The following LNPK variants were observed in gnomAD, a reference collection of about 807,000 sequenced individuals.
The protein encoded by LNPK is lunapark, ER junction formation factor.
LNPK carries 29 observed loss-of-function variants against 55.2 expected under a neutral mutation model. That is an observed-to-expected ratio of 0.53 (90% CI 0.39 to 0.72). LNPK has a LOEUF of 0.72. Ranked by LOEUF, LNPK falls within the 30% of genes least tolerant of loss-of-function variation. The pLI is 0.00. For missense variants in LNPK, 467 were observed against 494.8 expected, an observed-to-expected ratio of 0.94 and a Z score of 0.53; for synonymous variants, 162 against 168.2, an observed-to-expected ratio of 0.96 and a Z score of 0.29.
rs1041351003 is a variant in LNPK at position 175,927,575 on chromosome 2, G to A, written c.*2392C>T. ...CATATGGCTACAGCACAATGATGGCGGGAAGACGGAGAGACAGAAGCTAGA... is the reference window on the plus strand; with the variant it reads ...CATATGGCTACAGCACAATGATGGCAGGAAGACGGAGAGACAGAAGCTAGA... On this transcript the variant is annotated 3_prime_UTR_variant, in exon 13 of 13. Coordinates refer to ENST00000272748, the MANE Select transcript of LNPK (RefSeq NM_030650.3). The A allele has an allele frequency of 6.6e-6, 1 of 152,156 alleles. No homozygotes were observed. Among genetic ancestry groups the A allele is most frequent in the African/African-American group, 2.4e-5 (1 of 41,428 alleles). The allele number at this position is 152,156 out of a possible 1,614,324, so 9.4% of individuals were successfully genotyped here.
chr2:176,002,251 G>A lies in LNPK; in HGVS notation c.-154C>T, dbSNP rs1194542108. 2 of 450,678 alleles carry A rather than the reference G, an allele frequency of 4.4e-6. No individual in the cohort carries two copies. Among genetic ancestry groups the A allele is most frequent in the East Asian group, 7.2e-5 (1 of 13,830 alleles). 27.9% of individuals were successfully genotyped at this position (450,678 alleles called of 1,614,324 possible). ...CCTGCCTCCAGAGCAGGCAGCAGCC[G>A]CCACTGACAGAGAGACAAGCCGGGC... On this transcript the variant is annotated 5_prime_UTR_variant, in exon 1 of 13. Transcript: ENST00000272748.
intron 1 of LNPK, among the ~76,000 whole-genome samples, chr2:175,998,726 T>C (rs1688053207): frequency 6.6e-6 from 1 of 152,168 alleles, no homozygotes; most frequent in Admixed American, 6.5e-5. Flanking sequence ...CCCAATTCCT[T>C]TATTTGATTA....
chr2:175,948,792 T>C (rs757962358), intron 8 of LNPK, among the ~76,000 whole-genome samples: 2 of 152,182 alleles, frequency 1.3e-5, no homozygotes, highest in Non-Finnish European at 2.9e-5. Flanking sequence ...TTCATTGCAA[T>C]TGAAAGTACA....
At chr2:175,994,335 A>T in intron 2 of LNPK, 4 of 984,344 alleles carry the variant, frequency 4.1e-6, no homozygotes, top group Non-Finnish European at 4.8e-6. Flanking sequence ...GCAGATTATT[A>T]TAAGGTCATA....
chr2:175,994,888 T>C (rs916549491), intron 2 of LNPK, among the ~76,000 whole-genome samples: 2 of 150,778 alleles, frequency 1.3e-5, no homozygotes, highest in African/African-American at 4.9e-5. Context: ...AAAGATACAG[T>C]CTGTAAAAAA....
intron 4 of LNPK, among the ~76,000 whole-genome samples, chr2:175,990,719 ATTC>A (rs1387504932): frequency 1.3e-5 from 2 of 152,180 alleles, no homozygotes; most frequent in Non-Finnish European, 2.9e-5. Flanking sequence ...GGACAATGCT[ATTC>A]TTTGTTGGAT....
At chr2:175,988,079 T>C (rs1380717873) in intron 4 of LNPK, among the ~76,000 whole-genome samples, 2 of 152,226 alleles carry the variant, frequency 1.3e-5, no homozygotes, top group African/African-American at 2.4e-5. Flanking sequence ...CCAACCTTCA[T>C]ATATGCAACA....
At chr2:175,933,044 T>C (rs1362619785) in intron 12 of LNPK, among the ~76,000 whole-genome samples, 1 of 152,142 alleles carries the variant, frequency 6.6e-6, no homozygotes, top group Non-Finnish European at 1.5e-5. Flanking sequence ...GACTCTGGCA[T>C]CTATAATGTC....
At chr2:175,958,690 G>C (rs1408147962) in intron 8 of LNPK, among the ~76,000 whole-genome samples, 2 of 152,104 alleles carry the variant, frequency 1.3e-5, no homozygotes, top group Admixed American at 1.3e-4. Flanking sequence ...CTCCTTGCCA[G>C]AAAAGGAACA....
intron 8 of LNPK, among the ~76,000 whole-genome samples, chr2:175,951,929 C>A (rs916578647): frequency 6.6e-5 from 10 of 151,902 alleles, no homozygotes; most frequent in South Asian, 4.2e-4. Flanking sequence ...TATGGCCATT[C>A]TTGCAGGAGT....
intron 5 of LNPK, among the ~76,000 whole-genome samples, chr2:175,972,200 C>T (rs1038643075): frequency 6.6e-6 from 1 of 152,144 alleles, no homozygotes; most frequent in Non-Finnish European, 1.5e-5. Flanking sequence ...CAGGCATGAG[C>T]CACTGAGCCC....
At chr2:175,968,369 T>C (rs1331769411) in intron 6 of LNPK, among the ~76,000 whole-genome samples, 1 of 152,232 alleles carries the variant, frequency 6.6e-6, no homozygotes, top group Non-Finnish European at 1.5e-5. Flanking sequence ...AGGACTAATA[T>C]TCTGAAAAAG....
At chr2:175,979,569 CAAA>C (rs147389697) in intron 5 of LNPK, among the ~76,000 whole-genome samples, 4 of 97,400 alleles carry the variant, frequency 4.1e-5, no homozygotes, top group Admixed American at 1.1e-4. Flanking sequence ...GACTCTGTCT[CAAA>C]AAAAAAAAAA....
At chr2:175,938,944 T>C (rs1684679928) in intron 10 of LNPK, 1 of 152,216 alleles carries the variant, frequency 6.6e-6, no homozygotes, top group African/African-American at 2.4e-5. Flanking sequence ...ACTCAATGAA[T>C]ACTTCGCTAT....
chr2:175,974,545 T>C (rs1686813393), intron 5 of LNPK, among the ~76,000 whole-genome samples: 1 of 152,216 alleles, frequency 6.6e-6, no homozygotes, highest in South Asian at 2.1e-4. Flanking sequence ...TTGAATTTCA[T>C]ATAAATTTTA....
chr2:175,994,196 GTT>G (rs1687831449), intron 2 of LNPK: 1 of 980,970 alleles, frequency 1.0e-6, no homozygotes, highest in African/African-American at 1.8e-5. Context: ...TTCCATAAGA[GTT>G]GTTAACATTA....
At chr2:175,937,542 A>G (rs2105528976) in intron 11 of LNPK, 28 bp from the exon 12 acceptor site, 2 of 1,564,222 alleles carry the variant, frequency 1.3e-6, no homozygotes, top group East Asian at 4.5e-5. Context: ...AAAATAAGCA[A>G]AACCACAAAC....
chr2:175,966,236 G>C (rs543501758), intron 6 of LNPK, among the ~76,000 whole-genome samples: 1 of 152,224 alleles, frequency 6.6e-6, no homozygotes, highest in Non-Finnish European at 1.5e-5. Flanking sequence ...GCTAGTTTTT[G>C]TATTTTTAGT....
At chr2:175,945,288 T>C (rs1685068300) in intron 9 of LNPK, among the ~76,000 whole-genome samples, 1 of 150,526 alleles carries the variant, frequency 6.6e-6, no homozygotes, top group Non-Finnish European at 1.5e-5. Context: ...AGTGGGCAGA[T>C]CACCTGAGGT....
Sources: allele counts gnomAD v4.1 joint callset (sites outside exome capture counted in the v4.1 genomes callset), GRCh38; gene constraint gnomAD v4.1.1; transcripts MANE v1.5; gene names NCBI Gene and HGNC (gene_info 2026-07-23, HGNC 2026-07-21).